RNF220: variants seen among roughly 807,000 people sequenced by gnomAD.
RNF220 encodes ring finger protein 220.
RNF220 carries 7 observed loss-of-function variants against 67.1 expected under a neutral mutation model. The observed-to-expected ratio is 0.10, with a 90% CI of 0.06 to 0.20. The LOEUF (loss-of-function observed/expected upper bound fraction) is 0.20. Among genes scored for constraint, RNF220 ranks in the 10% least tolerant of loss-of-function variants. The pLI is 1.00. For missense variants in RNF220, 565 were observed against 740.3 expected (o/e 0.76, Z 2.75); for synonymous variants, 270 against 283.2 (o/e 0.95, Z 0.47).
intron 3 of RNF220, among the ~76,000 whole-genome samples, chr1:44,614,922 T>C (rs1413728284): frequency 6.6e-6 from 1 of 152,270 alleles, no homozygotes; most frequent in East Asian, 1.9e-4. Flanking sequence ...ACCATTTCAT[T>C]GTGCTCGTGG....
intron 2 of RNF220, among the ~76,000 whole-genome samples, chr1:44,564,553 G>A (rs1663832889): frequency 6.6e-6 from 1 of 152,036 alleles, no homozygotes; most frequent in Non-Finnish European, 1.5e-5. Flanking sequence ...AGGAGTTCGA[G>A]ATCAGCCTGG....
intron 2 of RNF220, among the ~76,000 whole-genome samples, chr1:44,554,155 C>T (rs377573578): frequency 1.4e-4 from 22 of 152,090 alleles, no homozygotes; most frequent in African/African-American, 4.1e-4. Flanking sequence ...TCTGCAGAAG[C>T]GAACAGATAT....
At chr1:44,444,580 A>G (rs956370524) in intron 2 of RNF220, among the ~76,000 whole-genome samples, 1 of 151,000 alleles carries the variant, frequency 6.6e-6, no homozygotes, top group Non-Finnish European at 1.5e-5. Context: ...AGCTGGGACT[A>G]CAGCCACGCA....
At chr1:44,511,630 T>C (rs1453299098) in intron 2 of RNF220, among the ~76,000 whole-genome samples, 1 of 152,154 alleles carries the variant, frequency 6.6e-6, no homozygotes, top group East Asian at 1.9e-4. Context: ...GTTTCACAAA[T>C]CAGCAAGCCA....
chr1:44,441,613 G>A (rs1483690336), intron 2 of RNF220, among the ~76,000 whole-genome samples: 1 of 152,184 alleles, frequency 6.6e-6, no homozygotes, highest in East Asian at 1.9e-4. Flanking sequence ...AGTGGCCTCT[G>A]CCTTGAAAGT....
chr1:44,570,988 C>T (rs1396904437), intron 2 of RNF220, among the ~76,000 whole-genome samples: 1 of 151,830 alleles, frequency 6.6e-6, no homozygotes, highest in Non-Finnish European at 1.5e-5. Flanking sequence ...GCAGGAGAAT[C>T]GCTTGAACCC....
Position 44,645,571 on chromosome 1 carries a change from A to G in RNF220, c.1445+83A>G. 1.4e-6 allele frequency: 2 copies of G among 1,418,852 alleles called. No homozygotes were observed. The highest frequency in any genetic ancestry group is 2.4e-5 in the East Asian group (1 of 41,478). The allele number at this position is 1,418,852 out of a possible 1,614,324, so 87.9% of individuals were successfully genotyped here. A position where few individuals can be genotyped will look rare whatever the true frequency, so the allele number is the denominator to read the frequency against. Reference sequence around the variant, plus strand: ...TTTGCTAGCAGGAAGGCCTGCTGCCAGGGCTTCTGGCCCTCCCAAGTGCAG... The same window carrying G: ...TTTGCTAGCAGGAAGGCCTGCTGCCGGGGCTTCTGGCCCTCCCAAGTGCAG... On this transcript the variant is annotated intron_variant, in intron 12 of 14. Coordinates refer to ENST00000361799, the MANE Select transcript of RNF220 (RefSeq NM_018150.4). This position sits in a 1 kb window ranked among gnomAD's most constrained non-coding sequence, Gnocchi z 5.0.
At chr1:44,641,552 G>A (rs1644489230) in intron 8 of RNF220, among the ~76,000 whole-genome samples, 1 of 152,238 alleles carries the variant, frequency 6.6e-6, no homozygotes, top group African/African-American at 2.4e-5. Flanking sequence ...TCAAACGACT[G>A]TGGAGCCTTC....
intron 2 of RNF220, among the ~76,000 whole-genome samples, chr1:44,494,005 G>A (rs12137690): frequency 0.047 from 7,187 of 152,076 alleles, 179 homozygotes; most frequent in Non-Finnish European, 0.061. Context: ...TCAGGAGTTC[G>A]AGACCAGCCT....
intron 2 of RNF220, among the ~76,000 whole-genome samples, chr1:44,452,157 T>G (rs1417057563): frequency 1.3e-5 from 2 of 152,354 alleles, no homozygotes; most frequent in South Asian, 2.1e-4. Flanking sequence ...ATGGGTTTGC[T>G]TCTGAATTCT....
intron 2 of RNF220, among the ~76,000 whole-genome samples, chr1:44,445,251 A>G (rs1651954463): frequency 6.6e-6 from 1 of 152,130 alleles, no homozygotes; most frequent in Non-Finnish European, 1.5e-5. Context: ...TCTTCTGTTC[A>G]ACTATTACAA....
intron 2 of RNF220, among the ~76,000 whole-genome samples, chr1:44,470,758 C>A (rs1332549273): frequency 6.6e-6 from 1 of 152,202 alleles, no homozygotes; most frequent in Non-Finnish European, 1.5e-5. Flanking sequence ...CCCTTCTGTC[C>A]TTTTGGCTCT....
At chr1:44,404,952 C>G (rs1056451959), upstream of RNF220, among the ~76,000 whole-genome samples, 33 of 152,204 alleles carry the variant, frequency 2.2e-4, no homozygotes, top group African/African-American at 7.9e-4. Context: ...GGAAGAACAA[C>G]AAGCACGAAA....
At chr1:44,503,952 C>A (rs1190392640) in intron 2 of RNF220, among the ~76,000 whole-genome samples, 2 of 152,066 alleles carry the variant, frequency 1.3e-5, no homozygotes, top group East Asian at 3.8e-4. Flanking sequence ...TGGGTTCAAG[C>A]GATTCTCCTG....
At chr1:44,557,134 T>TTATATACGTATGTATATATAATA (rs1663162648) in intron 2 of RNF220, among the ~76,000 whole-genome samples, 1 of 147,242 alleles carries the variant, frequency 6.8e-6, no homozygotes, top group East Asian at 1.9e-4. Context: ...TATATATATT[T>TTATATACGTATGTATATATAATA]TATATACGTA....
intron 2 of RNF220, among the ~76,000 whole-genome samples, chr1:44,434,716 A>T (rs1332957922): frequency 3.1e-5 from 1 of 32,544 alleles, no homozygotes; most frequent in Admixed American, 5.1e-4. Flanking sequence ...GACTCTCTTA[A>T]AAAAAAAAAA....
chr1:44,477,348 G>A (rs1418380761), intron 2 of RNF220, among the ~76,000 whole-genome samples: 1 of 152,212 alleles, frequency 6.6e-6, no homozygotes. Flanking sequence ...GATGAATGCT[G>A]TGAAATAAAT....
At position 44,651,317 on chromosome 1, in the gene RNF220, C is replaced by CCT. The variant is rs1196091016; in HGVS notation, c.*552_*553dup. 4.5e-5 allele frequency: 8 copies of CCT among 178,376 alleles called. No homozygotes were observed. The highest frequency in any genetic ancestry group is 2.1e-4 in the Admixed American group (4 of 18,654). 11.0% of individuals were successfully genotyped at this position (178,376 alleles called of 1,614,324 possible). A position where few individuals can be genotyped will look rare whatever the true frequency, so the allele number is the denominator to read the frequency against. On this transcript the variant is annotated 3_prime_UTR_variant, in exon 15 of 15. Coordinates refer to ENST00000361799, the MANE Select transcript of RNF220 (RefSeq NM_018150.4). The stretch of plus-strand genomic sequence containing the variant: ...GCCCATCCACCTCTTGGGGTACCTG[C>CCT]CTCTCTCTCTCCTGTGGTGTCCCTT...
At chr1:44,482,239 C>T (rs1655884537) in intron 2 of RNF220, among the ~76,000 whole-genome samples, 1 of 152,144 alleles carries the variant, frequency 6.6e-6, no homozygotes, top group East Asian at 1.9e-4. Context: ...ATTCATTTTT[C>T]CATAGAGAAA....
Sources: allele counts gnomAD v4.1 joint callset (sites outside exome capture counted in the v4.1 genomes callset), GRCh38; gene constraint gnomAD v4.1.1; non-coding constraint Gnocchi (gnomAD v3.1); transcripts MANE v1.5; gene names NCBI Gene and HGNC (gene_info 2026-07-23, HGNC 2026-07-21).